ZC3H3: variants seen among roughly 807,000 people sequenced by gnomAD.
ZC3H3 encodes zinc finger CCCH domain-containing protein 3.
A neutral mutation model predicts 77.3 loss-of-function variants in ZC3H3; 36 were observed. The ratio of observed to expected loss-of-function variants is 0.47; its 90% CI spans 0.36 to 0.61. ZC3H3 has a LOEUF of 0.61. Among genes scored for constraint, ZC3H3 ranks in the 20% least tolerant of loss-of-function variants. The probability of loss-of-function intolerance (pLI) is 0.00; values close to 1 mark genes in which losing one functional copy is unlikely to be tolerated. For synonymous variants in ZC3H3, 626 were observed against 555.2 expected, an observed-to-expected ratio of 1.13 and a Z score of -1.79; for missense variants, 1,331 against 1,312.2, an observed-to-expected ratio of 1.01 and a Z score of -0.22.
intron 4 of ZC3H3, among the ~76,000 whole-genome samples, chr8:143,505,980 A>G (rs888473601): frequency 2.6e-5 from 4 of 152,184 alleles, no homozygotes; most frequent in Non-Finnish European, 4.4e-5. Flanking sequence ...ACTTGGAGGG[A>G]GCCTATCAGC....
At chr8:143,476,340 G>A (rs965362916) in intron 4 of ZC3H3, among the ~76,000 whole-genome samples, 6 of 152,212 alleles carry the variant, frequency 3.9e-5, no homozygotes, top group African/African-American at 9.6e-5. Context: ...TGAAGAGGCC[G>A]CGACAGCCCC....
chr8:143,517,855 G>A (rs964577417), intron 3 of ZC3H3, among the ~76,000 whole-genome samples: 2 of 152,130 alleles, frequency 1.3e-5, no homozygotes, highest in African/African-American at 4.8e-5. Flanking sequence ...TGTGCTCCCT[G>A]CCCCACCTGC....
chr8:143,539,976 G>C lies in ZC3H3; in HGVS notation c.47-656C>G, dbSNP rs1352301452. Among the ~76,000 whole-genome samples the C allele has an allele frequency of 3.3e-5, 5 of 152,216 alleles. No individual in the cohort carries two copies. The East Asian group carries it at 9.6e-4, about 29-fold the overall frequency. ...CCGGTGCAGGAGGGCCAGGAACACA[G>C]GCAAGGGCGGCAGCAGCCAGCCTCC... On this transcript the variant is annotated intron_variant, in intron 1 of 11. Transcript: ENST00000262577.
At position 143,437,701 on chromosome 8, in the gene ZC3H3, G is replaced by C. The variant is rs1819623299; in HGVS notation, c.*355C>G. The C allele has an allele frequency of 2.7e-6, 1 of 371,448 alleles. No individual in the cohort carries two copies. The highest frequency in any genetic ancestry group is 5.1e-6 in the Non-Finnish European group (1 of 196,352). The allele number at this position is 371,448 out of a possible 1,614,324, so 23.0% of individuals were successfully genotyped here. On this transcript the variant is annotated 3_prime_UTR_variant, in exon 12 of 12. Coordinates refer to ENST00000262577, the MANE Select transcript of ZC3H3 (RefSeq NM_015117.3). ...ATTGCTGAACATAAAACACCTGCCTGGGAGGCCTGGCCAGTGGCCTCTTCA... is the reference window on the plus strand; with the variant it reads ...ATTGCTGAACATAAAACACCTGCCTCGGAGGCCTGGCCAGTGGCCTCTTCA...
At chr8:143,509,507 C>T (rs1054934488) in intron 3 of ZC3H3, among the ~76,000 whole-genome samples, 1 of 152,208 alleles carries the variant, frequency 6.6e-6, no homozygotes, top group South Asian at 2.1e-4. Flanking sequence ...GGCCTCAGGG[C>T]TGCCACCAGC....
rs143620663 is a variant in ZC3H3 at position 143,531,110 on chromosome 8, C to T, written c.1561+5147G>A. ...GAGTAGCTGGGACTACAGGCGTGTG[C>T]CACCATGCCCGGCTAATTCTCGCAT... On this transcript the variant is annotated intron_variant, in intron 3 of 11. Transcript: ENST00000262577. Among the ~76,000 whole-genome samples, 1,282 of 152,222 alleles carry T rather than the reference C, an allele frequency of 8.4e-3. 18 individuals carry two copies. The highest frequency in any genetic ancestry group is 0.03 in the African/African-American group (1,228 of 41,524).
At chr8:143,529,669 G>A (rs1194950936) in intron 3 of ZC3H3, among the ~76,000 whole-genome samples, 1 of 152,216 alleles carries the variant, frequency 6.6e-6, no homozygotes, top group Non-Finnish European at 1.5e-5. Context: ...GCTTCACCAG[G>A]GCTAGAGGGT....
intron 4 of ZC3H3, among the ~76,000 whole-genome samples, chr8:143,485,438 G>A (rs904506334): frequency 2.6e-5 from 4 of 152,198 alleles, no homozygotes; most frequent in African/African-American, 9.7e-5. Flanking sequence ...CCCGAGTGAC[G>A]CAGGCGCCCC....
At chr8:143,463,007 G>C (rs1219676697) in intron 9 of ZC3H3, among the ~76,000 whole-genome samples, 1 of 144,652 alleles carries the variant, frequency 6.9e-6, no homozygotes, top group Admixed American at 7.0e-5. Flanking sequence ...TTTTGAGACA[G>C]AGTCTCACTC....
rs541984507 is a variant in ZC3H3 at position 143,539,660 on chromosome 8, G to A, written c.47-340C>T. 7.2e-5 allele frequency among the ~76,000 whole-genome samples: 11 copies of A among 152,346 alleles called. No individual in the cohort carries two copies. In the East Asian group the frequency reaches 1.9e-3, roughly 27 times the overall value. On this transcript the variant is annotated intron_variant, in intron 1 of 11. Coordinates refer to ENST00000262577, the MANE Select transcript of ZC3H3 (RefSeq NM_015117.3). ...TGAGACGTGTCACTCAGTCTGAAGA[G>A]AATCGCAATGATCCCCTCTGCACTG...
At chr8:143,523,707 C>T (rs947812014) in intron 3 of ZC3H3, among the ~76,000 whole-genome samples, 7 of 152,222 alleles carry the variant, frequency 4.6e-5, no homozygotes, top group African/African-American at 1.4e-4. Flanking sequence ...GTGCATTCTC[C>T]GCAGGCTCCC....
At chr8:143,464,764 C>T (rs544623135) in intron 9 of ZC3H3, among the ~76,000 whole-genome samples, 112 of 152,252 alleles carry the variant, frequency 7.4e-4, no homozygotes, top group African/African-American at 2.6e-3. Flanking sequence ...CTGCAGGCCC[C>T]GGGGCTCCCT....
At chr8:143,464,228 A>C (rs941209504) in intron 9 of ZC3H3, among the ~76,000 whole-genome samples, 11 of 152,262 alleles carry the variant, frequency 7.2e-5, no homozygotes, top group African/African-American at 2.4e-4. Context: ...AGCAGTAAGC[A>C]CTTCCACTAA....
In ZC3H3 at chr8:143,505,655, C is replaced by T. The variant is rs193261317; in HGVS notation, c.1715+2091G>A. Among the ~76,000 whole-genome samples the T allele has an allele frequency of 2.5e-3, 375 of 152,304 alleles. 1 individual carries two copies. The highest frequency in any genetic ancestry group is 4.5e-3 in the Non-Finnish European group (305 of 67,992). On this transcript the variant is annotated intron_variant, in intron 4 of 11. Transcript: ENST00000262577. Reference sequence around the variant, plus strand: ...GGAGTGGAACAGGACTGGGGTGAGGCGGTCAGGAAAGCAAGGAGGGCCCCT... The same window carrying T: ...GGAGTGGAACAGGACTGGGGTGAGGTGGTCAGGAAAGCAAGGAGGGCCCCT...
At chr8:143,475,656 G>A (rs1820713576) in intron 4 of ZC3H3, 71 bp from the exon 5 acceptor site, 1 of 1,472,424 alleles carries the variant, frequency 6.8e-7, no homozygotes, top group East Asian at 2.5e-5. Context: ...CAGTGCCAGG[G>A]GCCGAGCCCA....
chr8:143,440,153 C>T lies in ZC3H3; in HGVS notation c.2703G>A (p.Ala901=), dbSNP rs1442459447. 27 of 1,611,878 alleles carry T rather than the reference C, an allele frequency of 1.7e-5. No individual in the cohort carries two copies. The highest frequency in any genetic ancestry group is 1.7e-4 in the Middle Eastern group (1 of 5,872). ...PSLQEAALAA[A]CSNRLCKLPS... Reference sequence around the variant, plus strand: ...GCAGCTTGCAGAGCCTGTTGGAGCACGCTGCTGCTAAGGCAGCCTCCTGGA... The same window carrying T: ...GCAGCTTGCAGAGCCTGTTGGAGCATGCTGCTGCTAAGGCAGCCTCCTGGA... The change falls in exon 11 of 12, where the codon GCG becomes GCA. Residue 901 remains alanine (A), a synonymous_variant. Transcript: ENST00000262577.
intron 4 of ZC3H3, among the ~76,000 whole-genome samples, chr8:143,505,086 G>A (rs991565681): frequency 1.6e-4 from 24 of 152,038 alleles, no homozygotes; most frequent in African/African-American, 4.6e-4. Flanking sequence ...CTCCCCTCCC[G>A]CGTGTCCACC....
At position 143,535,578 on chromosome 8, in the gene ZC3H3, A is replaced by G. The variant is rs539042528; in HGVS notation, c.1561+679T>C. Reference sequence around the variant, plus strand: ...CCCAAGGGCTCTAGACCCTCACCACATACCCCCAACCACGTGCCCGCCTGG... The same window carrying G: ...CCCAAGGGCTCTAGACCCTCACCACGTACCCCCAACCACGTGCCCGCCTGG... On this transcript the variant is annotated intron_variant, in intron 3 of 11. Coordinates refer to ENST00000262577, the MANE Select transcript of ZC3H3 (RefSeq NM_015117.3). Among the ~76,000 whole-genome samples, 4 of 152,154 alleles carry G rather than the reference A, an allele frequency of 2.6e-5. No homozygotes were observed. The South Asian group carries it at 8.3e-4, about 32-fold the overall frequency.
intron 9 of ZC3H3, among the ~76,000 whole-genome samples, chr8:143,445,584 T>G (rs1343660022): frequency 6.6e-6 from 1 of 151,716 alleles, no homozygotes; most frequent in Non-Finnish European, 1.5e-5. Flanking sequence ...TCCCTGCTGC[T>G]TGAGAGGCTG....
Sources: gnomAD v4.1 joint callset for allele counts (sites outside exome capture counted in the v4.1 genomes callset) on GRCh38, gnomAD v4.1.1 for gene constraint, MANE v1.5 for transcripts, NCBI Gene and HGNC (gene_info 2026-07-23, HGNC 2026-07-21) for gene names.